Variants in XKR6 observed in about 807,000 individuals in gnomAD.
XKR6 encodes XK-related protein 6.
In XKR6, 22 loss-of-function variants were observed where a neutral mutation model predicts 56.7. The observed-to-expected ratio is 0.39, with a 90% confidence interval of 0.28 to 0.55. The LOEUF (loss-of-function observed/expected upper bound fraction) is 0.55. Among genes scored for constraint, XKR6 ranks in the 20% least tolerant of loss-of-function variants. The pLI, the probability that XKR6 is intolerant of heterozygous loss-of-function variation, is 0.66. For missense variants in XKR6, 852 were observed against 889.0 expected (o/e 0.96, Z 0.53); for synonymous variants, 524 against 387.8 (o/e 1.35, Z -4.13).
At chr8:11,051,368 T>C (rs746490157) in intron 1 of XKR6, among the ~76,000 whole-genome samples, 2 of 152,084 alleles carry the variant, frequency 1.3e-5, no homozygotes, top group Admixed American at 1.3e-4. Flanking sequence ...ATTATCTAGA[T>C]ACTGATGACT....
At chr8:11,095,603 A>G (rs996654566) in intron 1 of XKR6, among the ~76,000 whole-genome samples, 8 of 152,228 alleles carry the variant, frequency 5.3e-5, no homozygotes, top group Non-Finnish European at 8.8e-5. Flanking sequence ...ACTGACTGTG[A>G]CAAAACGCAC....
intron 1 of XKR6, chr8:11,123,593 C>G (rs1041634334): frequency 2.0e-5 from 6 of 305,158 alleles, no homozygotes; most frequent in Admixed American, 4.4e-5. Flanking sequence ...TGGATATACA[C>G]GAGGATTAAA....
chr8:11,109,366 T>C (rs541804177), intron 1 of XKR6: 1 of 152,330 alleles, frequency 6.6e-6, no homozygotes, highest in South Asian at 2.1e-4. Flanking sequence ...AATATACTTA[T>C]TTTTAGCTAA....
intron 1 of XKR6, among the ~76,000 whole-genome samples, chr8:11,178,112 G>A (rs1354946137): frequency 2.0e-5 from 3 of 152,124 alleles, no homozygotes; most frequent in Non-Finnish European, 4.4e-5. Flanking sequence ...CCAGGCAGAA[G>A]AGGCACGAAA....
chr8:11,111,458 T>A (rs1287882716), intron 1 of XKR6, among the ~76,000 whole-genome samples: 2 of 152,186 alleles, frequency 1.3e-5, no homozygotes, highest in African/African-American at 4.8e-5. Context: ...TGAGACCGGT[T>A]CCAGACTGAA....
intron 1 of XKR6, among the ~76,000 whole-genome samples, chr8:11,000,740 T>C (rs779015912): frequency 3.3e-5 from 5 of 152,148 alleles, no homozygotes; most frequent in Non-Finnish European, 5.9e-5. Flanking sequence ...GTCTCATGAT[T>C]CTACACGAGA....
chr8:11,195,839 A>C (rs1213951890), intron 1 of XKR6, among the ~76,000 whole-genome samples: 1 of 151,132 alleles, frequency 6.6e-6, no homozygotes, highest in African/African-American at 2.4e-5. Flanking sequence ...TTTTTAGTAG[A>C]GATGGGGTTT....
chr8:10,984,957 T>C lies in XKR6; in HGVS notation c.765-60127A>G, dbSNP rs75037124. On this transcript the variant is annotated intron_variant, in intron 1 of 2. Coordinates refer to ENST00000416569, the MANE Select transcript of XKR6 (RefSeq NM_173683.4). ...TTTTGTTGTGGTTTTTTGTTTTTTT[T>C]GAAACGGGGTCCTGCTCTGTACCCC... Among the ~76,000 whole-genome samples the C allele has an allele frequency of 3.4e-3, 524 of 151,888 alleles. 2 individuals carry two copies. The highest frequency in any genetic ancestry group is 0.012 in the African/African-American group (478 of 41,384).
Position 10,898,152 on chromosome 8 carries a change from G to A in XKR6, c.1726C>T (p.Arg576Cys), listed in dbSNP as rs748154694. 13 of 1,613,926 alleles carry A rather than the reference G, an allele frequency of 8.1e-6. No homozygotes were observed. Among genetic ancestry groups the A allele is most frequent in the Middle Eastern group, 1.6e-4 (1 of 6,084 alleles). ...RPMGPPTPLG[R>C]PYLPEGPLIK... The stretch of plus-strand genomic sequence containing the variant: ...AGGGGCCCTTCTGGGAGGTAAGGAC[G>A]CCCCAACGGGGTAGGGGGCCCCATG... Residue 576 changes from arginine to cysteine, a missense_variant, in exon 3 of 3, where the codon CGT becomes TGT. By Grantham distance (180) the Arg-to-Cys change is radical. Around this residue, in one of 4 missense-constraint regions of XKR6, gnomAD observed 197 missense variants for 190.9 expected, o/e 1.03. Coordinates refer to ENST00000416569, the MANE Select transcript of XKR6 (RefSeq NM_173683.4). This position sits in a 1 kb window ranked among gnomAD's most constrained non-coding sequence, Gnocchi z 6.6.
chr8:11,186,228 C>G (rs1156237282), intron 1 of XKR6, among the ~76,000 whole-genome samples: 1 of 152,116 alleles, frequency 6.6e-6, no homozygotes, highest in Admixed American at 6.5e-5. Context: ...ACCTGATCTA[C>G]ACAGAATTCT....
At chr8:11,181,002 G>A (rs1802946028) in intron 1 of XKR6, among the ~76,000 whole-genome samples, 2 of 152,172 alleles carry the variant, frequency 1.3e-5, no homozygotes, top group Non-Finnish European at 2.9e-5. Context: ...GAAGTCTTCT[G>A]GACCCACAAG....
At chr8:11,093,182 A>G (rs1027553219) in intron 1 of XKR6, among the ~76,000 whole-genome samples, 14 of 151,806 alleles carry the variant, frequency 9.2e-5, no homozygotes, top group African/African-American at 3.1e-4. Flanking sequence ...CAGCCTCCCA[A>G]TTAGCTGGGA....
At chr8:10,986,913 G>A (rs762615922) in intron 1 of XKR6, among the ~76,000 whole-genome samples, 3 of 151,790 alleles carry the variant, frequency 2.0e-5, no homozygotes, top group Middle Eastern at 3.4e-3. Context: ...TGGGACTATA[G>A]GTGTGCACTA....
intron 1 of XKR6, among the ~76,000 whole-genome samples, chr8:11,070,495 C>G (rs1317648968): frequency 6.6e-6 from 1 of 152,070 alleles, no homozygotes; most frequent in Non-Finnish European, 1.5e-5. Context: ...GGTTAAAAAG[C>G]AAAGCAAAAT....
chr8:10,994,618 G>C (rs1164762456), intron 1 of XKR6, among the ~76,000 whole-genome samples: 1 of 152,196 alleles, frequency 6.6e-6, no homozygotes, highest in Non-Finnish European at 1.5e-5. Flanking sequence ...TCCACACTCA[G>C]GTGTCTCCGA....
At chr8:11,038,766 T>A (rs1235280241) in intron 1 of XKR6, among the ~76,000 whole-genome samples, 1 of 152,024 alleles carries the variant, frequency 6.6e-6, no homozygotes, top group Non-Finnish European at 1.5e-5. Context: ...GTCAAGGACT[T>A]CTAGGCTCAA....
intron 1 of XKR6, among the ~76,000 whole-genome samples, chr8:10,966,566 C>T (rs534013489): frequency 2.0e-5 from 3 of 152,132 alleles, no homozygotes; most frequent in Non-Finnish European, 4.4e-5. Context: ...CCCAGCTACA[C>T]GGGAGGCTGA....
rs879272679 is a variant in XKR6 at position 10,981,052 on chromosome 8, C to T, written c.765-56222G>A. 4.6e-5 allele frequency among the ~76,000 whole-genome samples: 7 copies of T among 152,176 alleles called. No individual in the cohort carries two copies. In the South Asian group the frequency reaches 1.4e-3, roughly 32 times the overall value. On this transcript the variant is annotated intron_variant, in intron 1 of 2. Transcript: ENST00000416569. Reference sequence around the variant, plus strand: ...TCAAAATACCAGGTAGCTGTAGATGCTTTTTCCCATTTTAAATTCCTACCC... The same window carrying T: ...TCAAAATACCAGGTAGCTGTAGATGTTTTTTCCCATTTTAAATTCCTACCC...
intron 1 of XKR6, among the ~76,000 whole-genome samples, chr8:11,013,891 A>G (rs1217627907): frequency 2.0e-5 from 3 of 152,210 alleles, no homozygotes; most frequent in Non-Finnish European, 4.4e-5. Context: ...CCTGTACCGG[A>G]GCCCCTCATG....
Sources: allele counts gnomAD v4.1 joint callset (sites outside exome capture counted in the v4.1 genomes callset), GRCh38; gene constraint gnomAD v4.1.1; regional missense constraint gnomAD v4.1.1; non-coding constraint Gnocchi (gnomAD v3.1); transcripts MANE v1.5; gene names NCBI Gene and HGNC (gene_info 2026-07-23, HGNC 2026-07-21).